Variants in TNR observed in about 807,000 individuals in gnomAD.
TNR encodes the protein tenascin-R.
Under a neutral mutation model 150.4 loss-of-function variants are expected in TNR, and 45 were observed. That is an observed-to-expected ratio of 0.30 (90% CI 0.24 to 0.38). TNR has a LOEUF of 0.38. Ranked by LOEUF, TNR falls within the 10% of genes least tolerant of loss-of-function variation. The probability of loss-of-function intolerance (pLI) is 1.00; values close to 1 mark genes in which losing one functional copy is unlikely to be tolerated. For missense variants in TNR, 1,544 were observed against 1,759.1 expected (o/e 0.88, Z 2.19); for synonymous variants, 687 against 678.4 (o/e 1.01, Z -0.20).
At chr1:175,392,419 C>T (rs928220943) in intron 6 of TNR, among the ~76,000 whole-genome samples, 2 of 152,162 alleles carry the variant, frequency 1.3e-5, no homozygotes, top group Non-Finnish European at 2.9e-5. Context: ...GTTATTAAAC[C>T]ATGTGGCCAT....
At chr1:175,637,308 C>T (rs1032271919) in intron 1 of TNR, among the ~76,000 whole-genome samples, 2 of 152,202 alleles carry the variant, frequency 1.3e-5, no homozygotes, top group African/African-American at 4.8e-5. Context: ...GCCATTACTA[C>T]TGATGTTCAG....
At chr1:175,426,865 AAT>A (rs1476254637) in intron 2 of TNR, among the ~76,000 whole-genome samples, 3 of 49,528 alleles carry the variant, frequency 6.1e-5, no homozygotes, top group Admixed American at 1.8e-4. Context: ...ATATATATAA[AAT>A]ATATTATATA....
chr1:175,561,444 T>C (rs1276330214), intron 1 of TNR, among the ~76,000 whole-genome samples: 1 of 152,202 alleles, frequency 6.6e-6, no homozygotes, highest in Non-Finnish European at 1.5e-5. Context: ...CTTCCTCCTT[T>C]CTTCTGTTCC....
chr1:175,686,159 A>G (rs1666193238), intron 1 of TNR, among the ~76,000 whole-genome samples: 1 of 152,180 alleles, frequency 6.6e-6, no homozygotes, highest in South Asian at 2.1e-4. Context: ...CATGTATTCA[A>G]ACAACACTTA....
At chr1:175,517,012 T>TGAGAGAGAGAGAGAGA (rs58416273) in intron 2 of TNR, among the ~76,000 whole-genome samples, 4 of 120,452 alleles carry the variant, frequency 3.3e-5, no homozygotes, top group South Asian at 6.7e-4. Context: ...ATCTGAAAGC[T>TGAGAGAGAGAGAGAGA]GAGAGAGAGA....
intron 2 of TNR, among the ~76,000 whole-genome samples, chr1:175,501,607 T>G (rs902147246): frequency 4.0e-4 from 61 of 152,352 alleles, no homozygotes; most frequent in African/African-American, 1.5e-3. Context: ...AAGTTTGTGA[T>G]AATTTGTCAC....
intron 1 of TNR, among the ~76,000 whole-genome samples, chr1:175,549,992 T>G (rs1660873437): frequency 6.6e-6 from 1 of 152,168 alleles, no homozygotes; most frequent in African/African-American, 2.4e-5. Flanking sequence ...GATAATTTGT[T>G]GTGCAGCAAT....
rs544146761 is a variant in TNR, at chr1:175,327,226, C to T, written c.3794-2707G>A. 2.0e-5 allele frequency among the ~76,000 whole-genome samples: 3 copies of T among 152,262 alleles called. No homozygotes were observed. The South Asian group carries it at 6.2e-4, about 32-fold the overall frequency. On this transcript the variant is annotated intron_variant, in intron 21 of 22. Coordinates refer to ENST00000367674, the MANE Select transcript of TNR (RefSeq NM_003285.3). Reference sequence around the variant, plus strand: ...GGCTGCCTTCCACTGTCGCAGATTGCTCCCAGTGTTGGTCTTTACATCCTC... The same window carrying T: ...GGCTGCCTTCCACTGTCGCAGATTGTTCCCAGTGTTGGTCTTTACATCCTC...
intron 6 of TNR, among the ~76,000 whole-genome samples, chr1:175,392,601 TTTTA>T (rs1437428453): frequency 2.5e-4 from 38 of 152,350 alleles, no homozygotes; most frequent in Non-Finnish European, 2.1e-4. Context: ...AATTGCCACA[TTTTA>T]TTTATCATTT....
At position 175,372,318 on chromosome 1, in the gene TNR, C is replaced by G. The variant is rs902345724; in HGVS notation, c.1964-5021G>C. Among the ~76,000 whole-genome samples the G allele has an allele frequency of 3.9e-5, 6 of 152,180 alleles. No individual in the cohort carries two copies. In the South Asian group the frequency reaches 1.2e-3, roughly 31 times the overall value. The stretch of plus-strand genomic sequence containing the variant: ...CAAATGGACTAATGCAGGACCAAAG[C>G]AGAGGCTGCTAACTAAGAGGACAAG... On this transcript the variant is annotated intron_variant, in intron 9 of 22. Transcript: ENST00000367674.
rs144695222 is a variant in TNR at position 175,351,060 on chromosome 1, T to A, written c.3382+3331A>T. On this transcript the variant is annotated intron_variant, in intron 18 of 22. Coordinates refer to ENST00000367674, the MANE Select transcript of TNR (RefSeq NM_003285.3). ...GCCTCTAAATCCATTAGCCCTGGCT[T>A]GCGATCACCTGGGAGGCTTCCAGTG... 1.4e-4 allele frequency among the ~76,000 whole-genome samples: 21 copies of A among 152,344 alleles called. 1 individual carries two copies. Among genetic ancestry groups the A allele is most frequent in the African/African-American group, 4.8e-4 (20 of 41,576 alleles).
chr1:175,723,214 A>G (rs1667365326), intron 1 of TNR, among the ~76,000 whole-genome samples: 1 of 152,222 alleles, frequency 6.6e-6, no homozygotes, highest in Non-Finnish European at 1.5e-5. Context: ...TTTCTTCATC[A>G]CCTTTCTTAT....
chr1:175,486,677 T>C (rs1196622744), intron 2 of TNR, among the ~76,000 whole-genome samples: 4 of 152,252 alleles, frequency 2.6e-5, no homozygotes, highest in Non-Finnish European at 4.4e-5. Flanking sequence ...TTTCTTGTTT[T>C]AGATCCTTGA....
intron 2 of TNR, among the ~76,000 whole-genome samples, chr1:175,498,842 C>T (rs180789974): frequency 6.6e-6 from 1 of 152,166 alleles, no homozygotes. Flanking sequence ...GCACATATAA[C>T]CGTTAGTATC....
rs187702232 is a variant in TNR at position 175,544,623 on chromosome 1, T to C, written c.-164-16254A>G. Reference sequence around the variant, plus strand: ...ACATAGGTATATTGGTGCTAATTGGTGTTAAGGGCATTGGATATGAGTACT... The same window carrying C: ...ACATAGGTATATTGGTGCTAATTGGCGTTAAGGGCATTGGATATGAGTACT... On this transcript the variant is annotated intron_variant, in intron 1 of 22. Transcript: ENST00000367674. Among the ~76,000 whole-genome samples, 11 of 152,252 alleles carry C rather than the reference T, an allele frequency of 7.2e-5. No homozygotes were observed. The East Asian group carries it at 2.1e-3, about 29-fold the overall frequency.
Position 175,359,687 on chromosome 1 carries a change from T to C in TNR, c.2899A>G (p.Thr967Ala). The C allele has an allele frequency of 6.2e-7, 1 of 1,613,892 alleles. No individual in the cohort carries two copies. The highest frequency in any genetic ancestry group is 8.5e-7 in the Non-Finnish European group (1 of 1,179,886). Reference sequence around the variant, plus strand: ...GCCTTCCACTGCAGCAGGGCTTCTGTTGGAGTGATATTGGTAGCAATCAGA... The same window carrying C: ...GCCTTCCACTGCAGCAGGGCTTCTGCTGGAGTGATATTGGTAGCAATCAGA... ...VDLIATNITP[T>A]EALLQWKAPV... The change falls in exon 15 of 23, where the codon ACA (threonine) becomes GCA (alanine). Residue 967 changes from threonine (T) to alanine (A), a missense_variant. This residue lies in a region of TNR where 1,254 missense variants were observed against 1,329.4 expected (regional missense o/e 0.94). Transcript: ENST00000367674.
At chr1:175,690,383 G>A (rs1027004589) in intron 1 of TNR, among the ~76,000 whole-genome samples, 1 of 152,226 alleles carries the variant, frequency 6.6e-6, no homozygotes, top group African/African-American at 2.4e-5. Context: ...ACTGATGTGA[G>A]AGTGAGTGAT....
At chr1:175,507,263 G>A (rs985420614) in intron 2 of TNR, among the ~76,000 whole-genome samples, 1 of 152,176 alleles carries the variant, frequency 6.6e-6, no homozygotes, top group Non-Finnish European at 1.5e-5. Context: ...AGTGCCACAC[G>A]AGATTTCATG....
At chr1:175,367,084 G>A (rs1651877425) in intron 10 of TNR, 124 bp downstream of exon 10, 1 of 772,140 alleles carries the variant, frequency 1.3e-6, no homozygotes, top group Non-Finnish European at 2.2e-6. Flanking sequence ...GCTGACAGTT[G>A]TCACCAGAGC....
Sources: allele counts gnomAD v4.1 joint callset (sites outside exome capture counted in the v4.1 genomes callset), GRCh38; gene constraint gnomAD v4.1.1; regional missense constraint gnomAD v4.1.1; transcripts MANE v1.5; gene names NCBI Gene and HGNC (gene_info 2026-07-23, HGNC 2026-07-21).